The following PDZRN3 variants were observed in gnomAD, a reference collection of about 807,000 sequenced individuals.
The protein encoded by PDZRN3 is E3 ubiquitin-protein ligase PDZRN3.
In PDZRN3, 38 loss-of-function variants were observed where a neutral mutation model predicts 85.7. That is an observed-to-expected ratio of 0.44 (90% confidence interval 0.34 to 0.58). The LOEUF (loss-of-function observed/expected upper bound fraction) is 0.58. PDZRN3 is among the 20% of genes least tolerant of loss of function. The pLI, the probability that PDZRN3 is intolerant of heterozygous loss-of-function variation, is 0.01. For synonymous variants in PDZRN3, 759 were observed against 638.0 expected (o/e 1.19, Z -2.86); for missense variants, 1,629 against 1,506.4 (o/e 1.08, Z -1.35).
chr3:73,384,028 G>C lies in PDZRN3; in HGVS notation c.2538C>G (p.Ser846Arg), dbSNP rs978694834. The change falls in exon 10 of 10, where the codon AGC becomes AGG. Residue 846 changes from serine (S) to arginine (R), a missense_variant. By Grantham distance (110) the Ser-to-Arg change is moderately radical (BLOSUM62 -1). Transcript: ENST00000263666. The part of the protein sequence containing the change: ...ESKERRASDG[S>R]RSPTPSQKLG... ...GCTTCTGGCTGGGCGTGGGGCTCCGGCTCCCGTCGCTGGCTCTCCGCTCTT... is the reference window on the plus strand; with the variant it reads ...GCTTCTGGCTGGGCGTGGGGCTCCGCCTCCCGTCGCTGGCTCTCCGCTCTT... 6.3e-7 allele frequency: 1 copy of C among 1,592,142 alleles called. No homozygotes were observed. Among genetic ancestry groups the C allele is most frequent in the Non-Finnish European group, 8.5e-7 (1 of 1,170,856 alleles).
rs112076239 is a variant in PDZRN3 at position 73,383,351 on chromosome 3, T to C, written c.*14A>G. The C allele has an allele frequency of 7.1e-5, 113 of 1,588,088 alleles. No homozygotes were observed. Among genetic ancestry groups the C allele is most frequent in the Admixed American group, 2.3e-4 (13 of 57,740 alleles). On this transcript the variant is annotated 3_prime_UTR_variant, in exon 10 of 10. Coordinates refer to ENST00000263666, the MANE Select transcript of PDZRN3 (RefSeq NM_015009.3). Reference sequence around the variant, plus strand: ...GTAGTGGTCTCCTTTATGTACATAATGCAGAAGTGAAAATTATACAGTAGT... The same window carrying C: ...GTAGTGGTCTCCTTTATGTACATAACGCAGAAGTGAAAATTATACAGTAGT...
intron 2 of PDZRN3, among the ~76,000 whole-genome samples, chr3:73,604,620 A>G (rs1018663820): frequency 2.0e-5 from 3 of 152,188 alleles, no homozygotes; most frequent in Non-Finnish European, 2.9e-5. Flanking sequence ...AAGAGTCTCA[A>G]TGGACCACAA....
chr3:73,408,973 T>G (rs1701911264), intron 3 of PDZRN3, among the ~76,000 whole-genome samples: 1 of 152,214 alleles, frequency 6.6e-6, no homozygotes, highest in South Asian at 2.1e-4. Context: ...AAATTCAATA[T>G]CATTAACTTG....
intron 3 of PDZRN3, among the ~76,000 whole-genome samples, chr3:73,468,230 C>T (rs1388266337): frequency 3.9e-5 from 6 of 152,012 alleles, no homozygotes; most frequent in Non-Finnish European, 7.4e-5. Context: ...AAATGGGAAG[C>T]GACCATGAGC....
In PDZRN3 at chr3:73,515,071, T is replaced by C. The variant is rs141046070; in HGVS notation, c.918+87283A>G. On this transcript the variant is annotated intron_variant, in intron 3 of 9. Coordinates refer to ENST00000263666, the MANE Select transcript of PDZRN3 (RefSeq NM_015009.3). ...CCAGTACTTTACCCCTACAGATTCA[T>C]TGGTGGTATAGAAACAAAGGACTCC... Among the ~76,000 whole-genome samples the C allele has an allele frequency of 6.8e-4, 104 of 152,152 alleles. 1 individual carries two copies. Among genetic ancestry groups the C allele is most frequent in the African/African-American group, 2.3e-3 (95 of 41,510 alleles).
intron 4 of PDZRN3, 95 bp from the exon 5 acceptor site, chr3:73,401,104 C>T: frequency 1.1e-6 from 1 of 894,706 alleles, no homozygotes; most frequent in Non-Finnish European, 1.9e-6. Flanking sequence ...AGTAGCAATT[C>T]CCAGGGTGTG....
chr3:73,427,474 T>C (rs17011121), intron 3 of PDZRN3, among the ~76,000 whole-genome samples: 2,297 of 150,736 alleles, frequency 0.015, 51 homozygotes, highest in African/African-American at 0.052. Flanking sequence ...GACCTCTTCC[T>C]GCATTATTAA....
intron 3 of PDZRN3, among the ~76,000 whole-genome samples, chr3:73,514,308 C>G (rs1485783347): frequency 6.6e-6 from 1 of 152,178 alleles, no homozygotes; most frequent in African/African-American, 2.4e-5. Flanking sequence ...TAAGGCAGGT[C>G]TGAGGCAGAT....
At chr3:73,491,937 C>T (rs775298160) in intron 3 of PDZRN3, among the ~76,000 whole-genome samples, 7 of 151,940 alleles carry the variant, frequency 4.6e-5, no homozygotes, top group African/African-American at 1.5e-4. Context: ...AGGGTTCACA[C>T]GTCTCAGGGT....
In PDZRN3 at chr3:73,388,691, A is replaced by G. The variant is rs756602241; in HGVS notation, c.1417-622T>C. ...AACGCCGCCTCCAGGGGACACAGCA[A>G]TGGTTCCACTGAATTGGAAGTGGAG... On this transcript the variant is annotated intron_variant, in intron 7 of 9. Transcript: ENST00000263666. Among the ~76,000 whole-genome samples the G allele has an allele frequency of 4.0e-4, 61 of 151,970 alleles. 1 individual carries two copies. The highest frequency in any genetic ancestry group is 6.6e-4 in the Non-Finnish European group (45 of 68,000).
At chr3:73,481,357 T>G (rs1703557261) in intron 3 of PDZRN3, among the ~76,000 whole-genome samples, 1 of 152,208 alleles carries the variant, frequency 6.6e-6, no homozygotes. Flanking sequence ...CTTTTTTTCT[T>G]TTTGAGATGG....
intron 3 of PDZRN3, among the ~76,000 whole-genome samples, chr3:73,479,469 G>A (rs918250073): frequency 2.6e-5 from 4 of 152,138 alleles, no homozygotes; most frequent in Admixed American, 1.3e-4. Flanking sequence ...GAATACCGAG[G>A]GGAGTCATCC....
intron 3 of PDZRN3, among the ~76,000 whole-genome samples, chr3:73,571,159 A>G (rs1215516287): frequency 6.6e-6 from 1 of 152,198 alleles, no homozygotes. Flanking sequence ...ACAACATACA[A>G]TCTCAGTCCT....
intron 3 of PDZRN3, among the ~76,000 whole-genome samples, chr3:73,548,514 G>A (rs914338005): frequency 2.0e-5 from 3 of 152,164 alleles, no homozygotes; most frequent in South Asian, 2.1e-4. Flanking sequence ...ACTGTCTTGC[G>A]GAGAGCTCAA....
chr3:73,396,966 A>C (rs1446154400), intron 5 of PDZRN3, among the ~76,000 whole-genome samples: 1 of 152,074 alleles, frequency 6.6e-6, no homozygotes, highest in East Asian at 1.9e-4. Context: ...ACACTTACCT[A>C]AATATGATCA....
At chr3:73,398,476 C>G (rs933139777) in intron 5 of PDZRN3, among the ~76,000 whole-genome samples, 2 of 152,174 alleles carry the variant, frequency 1.3e-5, no homozygotes, top group East Asian at 3.9e-4. Flanking sequence ...TTCTGAAGAT[C>G]TAGGGGGCCA....
At chr3:73,560,178 C>A (rs1682644881) in intron 3 of PDZRN3, among the ~76,000 whole-genome samples, 1 of 152,288 alleles carries the variant, frequency 6.6e-6, no homozygotes, top group Admixed American at 6.5e-5. Context: ...TCCCTGAAAA[C>A]CCTCAAGAGA....
At chr3:73,617,229 C>G (rs552512759) in intron 1 of PDZRN3, among the ~76,000 whole-genome samples, 1 of 152,164 alleles carries the variant, frequency 6.6e-6, no homozygotes, top group Non-Finnish European at 1.5e-5. Flanking sequence ...AAAGATTACG[C>G]GGTGCCTCTG....
chr3:73,562,237 A>G (rs1701833439), intron 3 of PDZRN3, among the ~76,000 whole-genome samples: 1 of 148,880 alleles, frequency 6.7e-6, no homozygotes, highest in Non-Finnish European at 1.5e-5. Context: ...TCCCACAGAT[A>G]AAAAAAGAGT....
Sources: gnomAD v4.1 joint callset for allele counts (sites outside exome capture counted in the v4.1 genomes callset) on GRCh38, gnomAD v4.1.1 for gene constraint, MANE v1.5 for transcripts, NCBI Gene and HGNC (gene_info 2026-07-23, HGNC 2026-07-21) for gene names.